Variants in LTBP1 observed in about 807,000 individuals in gnomAD.
LTBP1 encodes latent transforming growth factor beta binding protein 1.
In LTBP1, 129 loss-of-function variants were observed where a neutral mutation model predicts 207.6. The observed-to-expected ratio is 0.62, with a 90% CI of 0.54 to 0.72. The LOEUF (loss-of-function observed/expected upper bound fraction) is 0.72. Among genes scored for constraint, LTBP1 ranks in the 30% least tolerant of loss-of-function variants. The pLI is 0.00. For missense variants in LTBP1, 2,281 were observed against 2,217.2 expected (o/e 1.03, Z -0.58); for synonymous variants, 963 against 833.7 (o/e 1.16, Z -2.67).
At chr2:33,271,747 A>T (rs957334051) in intron 15 of LTBP1, among the ~76,000 whole-genome samples, 111 of 152,288 alleles carry the variant, frequency 7.3e-4, no homozygotes, top group African/African-American at 2.5e-3. Context: ...TATAATGGAG[A>T]TTATATTCTA....
chr2:33,234,874 C>T (rs1297468859), intron 9 of LTBP1, among the ~76,000 whole-genome samples: 9 of 152,088 alleles, frequency 5.9e-5, no homozygotes, highest in Non-Finnish European at 2.9e-5. Context: ...TGGACCCCTT[C>T]CTCACACATT....
At chr2:33,377,096 T>A (rs926375417) in intron 31 of LTBP1, among the ~76,000 whole-genome samples, 2 of 152,206 alleles carry the variant, frequency 1.3e-5, no homozygotes, top group Non-Finnish European at 2.9e-5. Context: ...GTGAGAATAG[T>A]TAAAATAAAA....
chr2:33,203,107 C>T (rs898364013), intron 7 of LTBP1, among the ~76,000 whole-genome samples: 8 of 152,174 alleles, frequency 5.3e-5, no homozygotes, highest in African/African-American at 1.9e-4. Flanking sequence ...TCTCTGTAGC[C>T]ATCCGTGCCA....
intron 4 of LTBP1, among the ~76,000 whole-genome samples, chr2:33,129,260 A>C (rs1380230275): frequency 6.6e-6 from 1 of 152,206 alleles, no homozygotes. Flanking sequence ...TCAACTGTCC[A>C]GGCATACTTC....
At chr2:33,129,123 A>T (rs371071734) in intron 4 of LTBP1, among the ~76,000 whole-genome samples, 1 of 152,158 alleles carries the variant, frequency 6.6e-6, no homozygotes, top group Admixed American at 6.5e-5. Flanking sequence ...AATGATGGGG[A>T]AAAAAAAGTA....
intron 5 of LTBP1, among the ~76,000 whole-genome samples, chr2:33,168,221 T>TA (rs1258404496): frequency 6.6e-6 from 1 of 150,802 alleles, no homozygotes; most frequent in Non-Finnish European, 1.5e-5. Flanking sequence ...TCTACAAAAA[T>TA]AAAAAAAGAA....
At chr2:33,085,181 T>C (rs1454129852) in intron 3 of LTBP1, among the ~76,000 whole-genome samples, 1 of 152,082 alleles carries the variant, frequency 6.6e-6, no homozygotes, top group African/African-American at 2.4e-5. Context: ...GATGATTCTC[T>C]TTTAGAGCTG....
chr2:32,984,934 AAAAAC>A lies in LTBP1; in HGVS notation c.566-35949_566-35945del, dbSNP rs59089750. ...CGAGAAGAGTGAGACTCTGTTTCAA[AAAAAC>A]AAAACAAAACAAAACAAAACAAAAC... On this transcript the variant is annotated intron_variant, in intron 2 of 33. Transcript: ENST00000404816. Among the ~76,000 whole-genome samples the A allele has an allele frequency of 1.5e-3, 226 of 150,616 alleles. 1 individual carries two copies. The highest frequency in any genetic ancestry group is 7.9e-3 in the South Asian group (37 of 4,658).
At chr2:33,260,212 A>G (rs368115087) in intron 13 of LTBP1, among the ~76,000 whole-genome samples, 57 of 152,226 alleles carry the variant, frequency 3.7e-4, no homozygotes, top group African/African-American at 1.3e-3. Flanking sequence ...TCTAAGTCCT[A>G]TTTATGTAAT....
chr2:32,996,115 C>T (rs982288024), intron 2 of LTBP1, among the ~76,000 whole-genome samples: 1 of 152,160 alleles, frequency 6.6e-6, no homozygotes, highest in Non-Finnish European at 1.5e-5. Flanking sequence ...ATGTTTGGAA[C>T]TCTCTTAGTG....
intron 2 of LTBP1, among the ~76,000 whole-genome samples, chr2:32,975,433 G>A (rs1290726350): frequency 6.6e-6 from 1 of 151,970 alleles, no homozygotes; most frequent in African/African-American, 2.4e-5. Flanking sequence ...GTCTAGTGAG[G>A]TTAGGGAAAT....
intron 20 of LTBP1, among the ~76,000 whole-genome samples, chr2:33,295,534 A>AATG (rs1409026262): frequency 1.3e-5 from 2 of 152,014 alleles, no homozygotes; most frequent in African/African-American, 4.8e-5. Context: ...ATAGAGTCTC[A>AATG]ATGATGATAA....
intron 5 of LTBP1, among the ~76,000 whole-genome samples, chr2:33,169,960 C>T (rs1175145817): frequency 1.3e-5 from 2 of 152,138 alleles, no homozygotes; most frequent in Non-Finnish European, 2.9e-5. Flanking sequence ...ATTCACAGCT[C>T]AGAAGTTACC....
chr2:33,027,744 G>A lies in LTBP1; in HGVS notation c.863+6538G>A, dbSNP rs182626222. Reference sequence around the variant, plus strand: ...CCCAGCTACTCAGGAGGCAGAGGCAGGAGAATCGCTTGAACCCGGGAGGTG... The same window carrying A: ...CCCAGCTACTCAGGAGGCAGAGGCAAGAGAATCGCTTGAACCCGGGAGGTG... On this transcript the variant is annotated intron_variant, in intron 3 of 33. Transcript: ENST00000404816. 3.7e-3 allele frequency among the ~76,000 whole-genome samples: 561 copies of A among 152,290 alleles called. 4 individuals carry two copies. Among genetic ancestry groups the A allele is most frequent in the African/African-American group, 0.013 (539 of 41,548 alleles).
At chr2:33,183,407 G>T (rs148447461) in intron 5 of LTBP1, among the ~76,000 whole-genome samples, 1 of 152,270 alleles carries the variant, frequency 6.6e-6, no homozygotes, top group Admixed American at 6.5e-5. Flanking sequence ...ACCAATCACC[G>T]ACAGGCTTTC....
intron 5 of LTBP1, among the ~76,000 whole-genome samples, chr2:33,149,204 G>C (rs2083296894): frequency 8.2e-6 from 1 of 121,312 alleles, no homozygotes; most frequent in Non-Finnish European, 1.6e-5. Flanking sequence ...GACAGAGCGA[G>C]ACTCCGTCTC....
intron 3 of LTBP1, among the ~76,000 whole-genome samples, chr2:33,032,483 A>C (rs1177932191): frequency 6.6e-6 from 1 of 152,096 alleles, no homozygotes; most frequent in East Asian, 1.9e-4. Flanking sequence ...TGATCCACTC[A>C]CCTATATTCC....
chr2:33,176,312 C>G (rs1051648498), intron 5 of LTBP1, among the ~76,000 whole-genome samples: 2 of 152,098 alleles, frequency 1.3e-5, no homozygotes, highest in South Asian at 2.1e-4. Context: ...CTGCAAGCTC[C>G]GCCTCCCGGT....
chr2:33,216,936 G>A (rs562366890), intron 7 of LTBP1, among the ~76,000 whole-genome samples: 12 of 152,178 alleles, frequency 7.9e-5, no homozygotes, highest in African/African-American at 1.2e-4. Context: ...AGCTGGTCTC[G>A]CTTAAACATG....
Sources: gnomAD v4.1 joint callset for allele counts (sites outside exome capture counted in the v4.1 genomes callset) on GRCh38, gnomAD v4.1.1 for gene constraint, MANE v1.5 for transcripts, NCBI Gene and HGNC (gene_info 2026-07-23, HGNC 2026-07-21) for gene names.